Variants in PWWP2A observed in about 807,000 individuals in gnomAD.
PWWP2A encodes PWWP domain-containing protein 2A.
Under a neutral mutation model 48.5 loss-of-function variants are expected in PWWP2A, and 18 were observed. The observed-to-expected ratio is 0.37, with a 90% CI of 0.26 to 0.55. The LOEUF (loss-of-function observed/expected upper bound fraction) is 0.55. Among genes scored for constraint, PWWP2A ranks in the 20% least tolerant of loss-of-function variants. The probability of loss-of-function intolerance (pLI) is 0.81; values close to 1 mark genes in which losing one functional copy is unlikely to be tolerated. For synonymous variants in PWWP2A, 396 were observed against 387.7 expected (o/e 1.02, Z -0.25); for missense variants, 867 against 976.4 (o/e 0.89, Z 1.49).
downstream of PWWP2A, among the ~76,000 whole-genome samples, chr5:160,059,979 CA>C (rs1757656226): frequency 2.0e-5 from 3 of 152,302 alleles, no homozygotes; most frequent in South Asian, 6.2e-4. Context: ...AAGCACAGCA[CA>C]ACAAAATAAA....
chr5:160,062,417 A>G (rs890425050), intron 5 of PWWP2A, among the ~76,000 whole-genome samples: 1 of 152,194 alleles, frequency 6.6e-6, no homozygotes, highest in African/African-American at 2.4e-5. Context: ...TGTGGCATGT[A>G]GCCTCTTCGT....
the PWWP2A span, among the ~76,000 whole-genome samples, chr5:160,054,198 A>T: frequency 7.9e-5 from 12 of 152,314 alleles, no homozygotes; most frequent in Non-Finnish European, 1.6e-4. Context: ...GTGTGATGAG[A>T]TGGAAATAGA....
chr5:160,104,295 G>A (rs1043782666), intron 1 of PWWP2A, among the ~76,000 whole-genome samples: 4 of 151,876 alleles, frequency 2.6e-5, no homozygotes, highest in Non-Finnish European at 5.9e-5. Flanking sequence ...GCTGAGTGTA[G>A]TGACACACGC....
rs200502920 is a variant in PWWP2A, at chr5:160,064,950, G to C, written c.*237-1277C>G. On this transcript the variant is annotated intron_variant and NMD_transcript_variant, in intron 4 of 5. Coordinates refer to the PWWP2A transcript ENST00000524050. ...ATTACAGGTAAATTAAAAGATCTTGGGAACTTGGTTCTCCGACCTTTTGGG... is the reference window on the plus strand; with the variant it reads ...ATTACAGGTAAATTAAAAGATCTTGCGAACTTGGTTCTCCGACCTTTTGGG... 1.4e-5 allele frequency: 22 copies of C among 1,611,314 alleles called. No individual in the cohort carries two copies. The Admixed American group carries it at 2.2e-4, about 16-fold the overall frequency.
the PWWP2A span, among the ~76,000 whole-genome samples, chr5:160,054,386 G>A: frequency 6.6e-6 from 1 of 152,134 alleles, no homozygotes; most frequent in African/African-American, 2.4e-5. Context: ...GGCCAAGGTG[G>A]GAGGATTGCT....
chr5:160,104,137 A>AAAAAAAAAAAAAG, intron 1 of PWWP2A, among the ~76,000 whole-genome samples: 1 of 150,266 alleles, frequency 6.7e-6, no homozygotes, highest in Non-Finnish European at 1.5e-5. Context: ...AAAAAAAAAA[A>AAAAAAAAAAAAAG]AAAGAAATGA....
At chr5:160,049,607 A>G in the PWWP2A span, 3 of 1,610,348 alleles carry the variant, frequency 1.9e-6, no homozygotes, top group Admixed American at 3.4e-5. Context: ...CTGGAAGACT[A>G]TAAATCTATA....
chr5:160,100,043 G>A (rs1169161179), intron 1 of PWWP2A, among the ~76,000 whole-genome samples: 3 of 151,708 alleles, frequency 2.0e-5, no homozygotes, highest in African/African-American at 7.3e-5. Flanking sequence ...GCTCACGCCT[G>A]TAATCGCAGC....
In PWWP2A at chr5:160,119,435, G is replaced by T; in HGVS notation, c.-47C>A. The T allele has an allele frequency of 3.7e-6, 5 of 1,354,100 alleles. No individual in the cohort carries two copies. The highest frequency in any genetic ancestry group is 4.7e-6 in the Non-Finnish European group (5 of 1,059,234). 83.9% of individuals were successfully genotyped at this position (1,354,100 alleles called of 1,614,324 possible). ...CTCCAACTCCGGCTGCAGCGGCGGC[G>T]GCGACAGCGCTGCTTGGTTCCCTGG... On this transcript the variant is annotated 5_prime_UTR_variant, in exon 1 of 2. Coordinates refer to ENST00000307063, the MANE Select transcript of PWWP2A (RefSeq NM_001130864.2).
downstream of PWWP2A, among the ~76,000 whole-genome samples, chr5:160,074,302 G>A (rs1329590927): frequency 3.3e-5 from 5 of 151,652 alleles, no homozygotes; most frequent in Non-Finnish European, 2.9e-5. Flanking sequence ...GCTGGGAGTT[G>A]TGGCACATGC....
At chr5:160,045,514 A>ACTC in the PWWP2A span, among the ~76,000 whole-genome samples, 24 of 29,710 alleles carry the variant, frequency 8.1e-4, no homozygotes, top group Non-Finnish European at 1.2e-3. Context: ...ACACACACAC[A>ACTC]TACACACTCT....
intron 5 of PWWP2A, among the ~76,000 whole-genome samples, chr5:160,063,126 G>A (rs930631788): frequency 1.3e-5 from 2 of 152,206 alleles, no homozygotes; most frequent in Admixed American, 6.5e-5. Context: ...ATCCAAAGAT[G>A]GGTTGGCCTT....
chr5:160,049,243 C>A, the PWWP2A span, among the ~76,000 whole-genome samples: 44 of 152,296 alleles, frequency 2.9e-4, no homozygotes, highest in Non-Finnish European at 5.3e-4. Context: ...ACACACCTAT[C>A]CTTTTTTGTT....
intron 1 of PWWP2A, among the ~76,000 whole-genome samples, chr5:160,117,223 G>C (rs947813858): frequency 6.6e-6 from 1 of 152,234 alleles, no homozygotes; most frequent in Non-Finnish European, 1.5e-5. Flanking sequence ...ACTTTGGAAG[G>C]CCAAGGCAGT....
At chr5:160,085,450 G>A (rs1384416409) in intron 2 of PWWP2A, among the ~76,000 whole-genome samples, 1 of 151,108 alleles carries the variant, frequency 6.6e-6, no homozygotes, top group Non-Finnish European at 1.5e-5. Context: ...TTTAATGATG[G>A]TTTCTGGTTA....
At chr5:160,118,742 C>T in intron 1 of PWWP2A, 63 bp downstream of exon 1, 1 of 1,344,838 alleles carries the variant, frequency 7.4e-7, no homozygotes, top group Non-Finnish European at 9.6e-7. Flanking sequence ...GAGGGGGCCG[C>T]CCGGGCTCAC....
intron 3 of PWWP2A, among the ~76,000 whole-genome samples, chr5:160,080,087 C>G (rs965030092): frequency 6.6e-6 from 1 of 152,186 alleles, no homozygotes. Context: ...AATAAATGTA[C>G]TTAAAGAAAT....
chr5:160,090,760 A>C, downstream of PWWP2A: 1 of 964,358 alleles, frequency 1.0e-6, no homozygotes, highest in African/African-American at 1.8e-5. Flanking sequence ...CTAAATTTTA[A>C]ATTTCTAAAA....
chr5:160,069,777 G>A (rs774371495), intron 2 of PWWP2A, among the ~76,000 whole-genome samples: 38 of 152,108 alleles, frequency 2.5e-4, no homozygotes, highest in Non-Finnish European at 5.1e-4. Flanking sequence ...TGTCTTGCAC[G>A]GCCATGTAGA....
Sources: allele counts gnomAD v4.1 joint callset (sites outside exome capture counted in the v4.1 genomes callset), GRCh38; gene constraint gnomAD v4.1.1; transcripts MANE v1.5; gene names NCBI Gene and HGNC (gene_info 2026-07-23, HGNC 2026-07-21).